INPP5F: variants seen among roughly 807,000 people sequenced by gnomAD.
INPP5F encodes the protein inositol polyphosphate-5-phosphatase F, also known as phosphatidylinositide 4-phosphatase SAC2.
A neutral mutation model predicts 137.2 loss-of-function variants in INPP5F; 97 were observed. That is an observed-to-expected ratio of 0.71 (90% CI 0.60 to 0.84). INPP5F has a LOEUF of 0.84. Ranked by LOEUF, INPP5F falls within the 40% of genes least tolerant of loss-of-function variation. The probability of loss-of-function intolerance (pLI) is 0.00; values close to 1 mark genes in which losing one functional copy is unlikely to be tolerated. For missense variants in INPP5F, 1,271 were observed against 1,371.9 expected (o/e 0.93, Z 1.16); for synonymous variants, 504 against 476.9 (o/e 1.06, Z -0.74).
chr10:119,742,838 C>CA (rs1335538177), intron 1 of INPP5F, among the ~76,000 whole-genome samples: 2 of 152,028 alleles, frequency 1.3e-5, no homozygotes, highest in Non-Finnish European at 2.9e-5. Context: ...ACTAAAAATA[C>CA]AAAATTAGCC....
chr10:119,776,952 T>C (rs1361091921), intron 2 of INPP5F, among the ~76,000 whole-genome samples: 1 of 152,068 alleles, frequency 6.6e-6, no homozygotes, highest in Non-Finnish European at 1.5e-5. Context: ...GGTTTCGCCA[T>C]GTTGCCCAGG....
intron 6 of INPP5F, among the ~76,000 whole-genome samples, chr10:119,795,305 C>T (rs997095903): frequency 2.6e-5 from 4 of 152,006 alleles, no homozygotes; most frequent in African/African-American, 7.2e-5. Flanking sequence ...GGCGGAGACG[C>T]TCCTCACTTC....
At position 119,827,535 on chromosome 10, in the gene INPP5F, G is replaced by A. The variant is rs369842188; in HGVS notation, c.3154G>A (p.Gly1052Arg). 13 of 1,614,018 alleles carry A rather than the reference G, an allele frequency of 8.1e-6. No homozygotes were observed. The highest frequency in any genetic ancestry group is 1.1e-5 in the Non-Finnish European group (13 of 1,180,014). ...TTCCAGCATGCTTGAACTTGAGACA[G>A]GGCTTCATGTAACTCCTTCTCCTTC... is the stretch of plus-strand genomic sequence containing the variant. ...SASSMLELETGLHVTPSPSES... is the reference protein window; with the variant it reads ...SASSMLELETRLHVTPSPSES... Residue 1052 changes from glycine to arginine, a missense_variant, in exon 20 of 20, where the codon GGG (glycine) becomes AGG (arginine). This residue lies in a region of INPP5F where 490 missense variants were observed against 443.7 expected (regional missense o/e 1.10). Transcript: ENST00000650623.
intron 1 of INPP5F, among the ~76,000 whole-genome samples, chr10:119,749,399 G>A (rs1848630161): frequency 6.6e-6 from 1 of 152,276 alleles, no homozygotes. Context: ...TATTAGCGCT[G>A]CAGTTTGGTA....
chr10:119,751,625 C>G (rs1417847587), intron 2 of INPP5F, among the ~76,000 whole-genome samples: 2 of 152,120 alleles, frequency 1.3e-5, no homozygotes, highest in Non-Finnish European at 2.9e-5. Flanking sequence ...GATGGGAAGT[C>G]CAGGTCACTC....
intron 3 of INPP5F, among the ~76,000 whole-genome samples, chr10:119,782,217 T>C (rs1849732240): frequency 6.6e-6 from 1 of 152,228 alleles, no homozygotes; most frequent in Non-Finnish European, 1.5e-5. Context: ...AGAAAGTTTT[T>C]TAAAAGGAAG....
At chr10:119,777,536 A>G (rs1849565763) in intron 2 of INPP5F, among the ~76,000 whole-genome samples, 2 of 152,178 alleles carry the variant, frequency 1.3e-5, no homozygotes, top group Admixed American at 1.3e-4. Context: ...AAATAAATAA[A>G]TAAATAAAAT....
intron 2 of INPP5F, among the ~76,000 whole-genome samples, chr10:119,755,920 G>A (rs1286985733): frequency 6.6e-6 from 1 of 152,196 alleles, no homozygotes; most frequent in East Asian, 1.9e-4. Flanking sequence ...CACTTTGGGA[G>A]GCTGAGGTGG....
chr10:119,738,923 T>G (rs1356049516), intron 1 of INPP5F, among the ~76,000 whole-genome samples: 1 of 152,090 alleles, frequency 6.6e-6, no homozygotes, highest in Admixed American at 6.5e-5. Flanking sequence ...GGCTCATGCC[T>G]GTAATCCCAG....
At chr10:119,726,769 G>T (rs367767392) in intron 1 of INPP5F, among the ~76,000 whole-genome samples, 1 of 152,228 alleles carries the variant, frequency 6.6e-6, no homozygotes, top group African/African-American at 2.4e-5. Flanking sequence ...TTCCGATCTG[G>T]AGCGGTTGCG....
intron 1 of INPP5F, among the ~76,000 whole-genome samples, chr10:119,744,386 C>T (rs1462370349): frequency 2.0e-5 from 3 of 152,180 alleles, no homozygotes; most frequent in African/African-American, 4.8e-5. Context: ...ATAGGATACA[C>T]GCATCTGCTT....
chr10:119,801,944 G>T (rs752699294), intron 9 of INPP5F, among the ~76,000 whole-genome samples: 1 of 152,046 alleles, frequency 6.6e-6, no homozygotes. Flanking sequence ...TCCTGATTTC[G>T]AACAGTACCC....
chr10:119,740,565 C>T (rs192907552), intron 1 of INPP5F, among the ~76,000 whole-genome samples: 51 of 151,782 alleles, frequency 3.4e-4, no homozygotes, highest in African/African-American at 1.2e-3. Context: ...TTTTTTGAGA[C>T]GGAGTTTCAC....
In INPP5F at chr10:119,826,934, G is replaced by C; in HGVS notation, c.2553G>C (p.Met851Ile). The C allele has an allele frequency of 6.2e-7, 1 of 1,613,904 alleles. No homozygotes were observed. Among genetic ancestry groups the C allele is most frequent in the Non-Finnish European group, 8.5e-7 (1 of 1,179,768 alleles). Residue 851 changes from methionine (M) to isoleucine (I), a missense_variant, in exon 20 of 20, where the codon ATG (methionine) becomes ATC (isoleucine). This residue lies in a region of INPP5F where 490 missense variants were observed against 443.7 expected (regional missense o/e 1.10). Coordinates refer to ENST00000650623, the MANE Select transcript of INPP5F (RefSeq NM_014937.4). The part of the protein sequence containing the change: ...DKVQAESDGD[M>I]SSDNDSYHSD... ...TTCAGGCAGAGTCTGATGGGGACAT[G>C]TCTTCAGATAATGACTCATACCACT...
Position 119,827,775 on chromosome 10 carries a change from A to G in INPP5F, c.3394A>G (p.Ile1132Val), listed in dbSNP as rs1014429108. 3 of 1,595,066 alleles carry G rather than the reference A, an allele frequency of 1.9e-6. No individual in the cohort carries two copies. Among genetic ancestry groups the G allele is most frequent in the Non-Finnish European group, 2.6e-6 (3 of 1,171,144 alleles). ...ACAATGCCAGACACGGATAATTCAG[A>G]TTTAGCTTTTAGCCATAAGAATCCT... ...FIQCQTRIIQI is the reference protein window; with the variant it reads ...FIQCQTRIIQV The change falls in exon 20 of 20, where the codon ATT (isoleucine) becomes GTT (valine). Residue 1132 changes from isoleucine to valine, a missense_variant. Transcript: ENST00000650623.
chr10:119,752,367 C>T (rs982415091), intron 2 of INPP5F, among the ~76,000 whole-genome samples: 2 of 152,090 alleles, frequency 1.3e-5, no homozygotes, highest in Non-Finnish European at 1.5e-5. Context: ...GGTGGATCAT[C>T]TGAGGTCGGG....
At chr10:119,805,297 G>T in intron 10 of INPP5F, 87 bp from the exon 11 acceptor site, 1 of 949,224 alleles carries the variant, frequency 1.1e-6, no homozygotes, top group Non-Finnish European at 1.6e-6. Context: ...TTAATTTTTC[G>T]AAGCTACATT....
intron 2 of INPP5F, among the ~76,000 whole-genome samples, chr10:119,753,839 C>CA (rs199577811): frequency 0.011 from 1,673 of 151,964 alleles, 7 homozygotes; most frequent in Non-Finnish European, 0.019. Context: ...TCAGCTTAGG[C>CA]AAAAAAACAC....
intron 2 of INPP5F, among the ~76,000 whole-genome samples, chr10:119,777,537 TAAATA>T (rs1019302457): frequency 1.4e-4 from 22 of 152,182 alleles, no homozygotes; most frequent in African/African-American, 5.1e-4. Context: ...AATAAATAAA[TAAATA>T]AAATAATATA....
Sources: gnomAD v4.1 joint callset for allele counts (sites outside exome capture counted in the v4.1 genomes callset) on GRCh38, gnomAD v4.1.1 for gene constraint, gnomAD v4.1.1 regional missense constraint, MANE v1.5 for transcripts, NCBI Gene and HGNC (gene_info 2026-07-23, HGNC 2026-07-21) for gene names.